NPAS3: variants seen among roughly 807,000 people sequenced by gnomAD.
The protein encoded by NPAS3 is neuronal PAS domain protein 3.
In NPAS3, 14 loss-of-function variants were observed where a neutral mutation model predicts 73.1. The observed-to-expected ratio is 0.19, with a 90% CI of 0.13 to 0.30. The LOEUF (loss-of-function observed/expected upper bound fraction) is 0.30. Among genes scored for constraint, NPAS3 ranks in the 10% least tolerant of loss-of-function variants. The probability of loss-of-function intolerance (pLI) is 1.00; values close to 1 mark genes in which losing one functional copy is unlikely to be tolerated. For synonymous variants in NPAS3, 620 were observed against 541.5 expected (o/e 1.14, Z -2.01); for missense variants, 1,096 against 1,250.0 (o/e 0.88, Z 1.86).
At chr14:33,728,156 G>A (rs755648794) in intron 6 of NPAS3, among the ~76,000 whole-genome samples, 9 of 152,138 alleles carry the variant, frequency 5.9e-5, no homozygotes, top group Non-Finnish European at 1.2e-4. Flanking sequence ...TCAGGGGACA[G>A]TCTCACCAAG....
chr14:33,446,500 G>A (rs2049513473), intron 4 of NPAS3, among the ~76,000 whole-genome samples: 2 of 152,158 alleles, frequency 1.3e-5, no homozygotes, highest in African/African-American at 4.8e-5. Context: ...ATAAGCAAGA[G>A]GATACATAGA....
chr14:33,654,693 A>G (rs1317779464), intron 5 of NPAS3, among the ~76,000 whole-genome samples: 2 of 152,214 alleles, frequency 1.3e-5, no homozygotes, highest in African/African-American at 4.8e-5. Flanking sequence ...TGACTAGCCA[A>G]CTGTTGGTGC....
intron 5 of NPAS3, among the ~76,000 whole-genome samples, chr14:33,576,903 C>G (rs753340801): frequency 6.6e-6 from 1 of 152,152 alleles, no homozygotes; most frequent in Admixed American, 6.5e-5. Context: ...TACATTGCCC[C>G]CTTTTGAGTC....
chr14:33,708,023 T>C (rs1400869385), intron 6 of NPAS3, among the ~76,000 whole-genome samples: 1 of 152,124 alleles, frequency 6.6e-6, no homozygotes, highest in African/African-American at 2.4e-5. Context: ...CACCAGGGGC[T>C]GATGGCCCTT....
intron 9 of NPAS3, among the ~76,000 whole-genome samples, chr14:33,793,286 G>A (rs1169440648): frequency 6.6e-6 from 1 of 152,106 alleles, no homozygotes; most frequent in African/African-American, 2.4e-5. Context: ...GACTCCACTG[G>A]GGAATTTATT....
intron 4 of NPAS3, among the ~76,000 whole-genome samples, chr14:33,450,087 A>C (rs2049720820): frequency 6.6e-6 from 1 of 152,218 alleles, no homozygotes; most frequent in African/African-American, 2.4e-5. Context: ...TCACCCATTA[A>C]AAGTATTACA....
chr14:32,979,940 T>C (rs2037832149), intron 1 of NPAS3, among the ~76,000 whole-genome samples: 1 of 152,180 alleles, frequency 6.6e-6, no homozygotes, highest in African/African-American at 2.4e-5. Context: ...AGTTTTAGGA[T>C]TATGTCAATT....
upstream of NPAS3, among the ~76,000 whole-genome samples, chr14:32,938,482 A>AGAAAGAGAGAGAGAGAGAGAGAG (rs2035781447): frequency 2.0e-4 from 3 of 15,056 alleles, no homozygotes; most frequent in Non-Finnish European, 4.7e-4. Flanking sequence ...AGAGAGAGAG[A>AGAAAGAGAGAGAGAGAGAGAGAG]AATTGAGAGA....
At chr14:33,147,730 A>AAATATAT (rs372663411) in intron 2 of NPAS3, among the ~76,000 whole-genome samples, 1 of 130,364 alleles carries the variant, frequency 7.7e-6, no homozygotes, top group South Asian at 2.4e-4. Flanking sequence ...TAGAATAAAA[A>AAATATAT]ATATATATAT....
chr14:33,077,398 C>G (rs1595389642), intron 2 of NPAS3, among the ~76,000 whole-genome samples: 1 of 152,130 alleles, frequency 6.6e-6, no homozygotes, highest in African/African-American at 2.4e-5. Context: ...AATGCTCTTT[C>G]CTGTTTCCTG....
chr14:33,145,948 G>A (rs564444210), intron 2 of NPAS3, among the ~76,000 whole-genome samples: 1 of 152,124 alleles, frequency 6.6e-6, no homozygotes, highest in Non-Finnish European at 1.5e-5. Context: ...AAGAATGAAA[G>A]AGTGTGCCTG....
intron 3 of NPAS3, among the ~76,000 whole-genome samples, chr14:33,256,311 A>C (rs1011445289): frequency 6.6e-6 from 1 of 152,244 alleles, no homozygotes; most frequent in African/African-American, 2.4e-5. Context: ...GCATTTAATC[A>C]TAGAAAAAGT....
intron 4 of NPAS3, among the ~76,000 whole-genome samples, chr14:33,406,478 G>C (rs1460585948): frequency 6.6e-6 from 1 of 152,114 alleles, no homozygotes; most frequent in Non-Finnish European, 1.5e-5. Context: ...GACTCTAAGA[G>C]ATGGCATGTG....
At chr14:33,072,734 G>A (rs2041528417) in intron 2 of NPAS3, among the ~76,000 whole-genome samples, 1 of 152,164 alleles carries the variant, frequency 6.6e-6, no homozygotes, top group Admixed American at 6.5e-5. Context: ...GGCTGCGTGG[G>A]AACCTGCCCA....
intron 2 of NPAS3, among the ~76,000 whole-genome samples, chr14:33,123,658 A>G (rs1385121384): frequency 6.6e-6 from 1 of 152,074 alleles, no homozygotes; most frequent in Non-Finnish European, 1.5e-5. Flanking sequence ...GCCCCAAGAA[A>G]AAGAAAAACC....
In NPAS3 at chr14:33,330,166, C is replaced by T. The variant is rs73256868; in HGVS notation, c.386-37020C>T. Among the ~76,000 whole-genome samples the T allele has an allele frequency of 1.9e-3, 285 of 152,136 alleles. 2 individuals are homozygous for T. Among genetic ancestry groups the T allele is most frequent in the African/African-American group, 6.5e-3 (269 of 41,494 alleles). On this transcript the variant is annotated intron_variant, in intron 3 of 11. Transcript: ENST00000356141. ...GCCAAGGAGGGAGAATCACCTGAAC[C>T]TGGGAGGCAGAAGCTGCAGTGAGCC... is the stretch of plus-strand genomic sequence containing the variant.
At chr14:33,147,732 T>TATATAG (rs1566610290) in intron 2 of NPAS3, among the ~76,000 whole-genome samples, 4 of 120,484 alleles carry the variant, frequency 3.3e-5, no homozygotes, top group African/African-American at 1.2e-4. Flanking sequence ...GAATAAAAAA[T>TATATAG]ATATATATAT....
intron 8 of NPAS3, 37 bp downstream of exon 8, chr14:33,774,567 T>A (rs1469846555): frequency 8.4e-6 from 13 of 1,540,230 alleles, no homozygotes; most frequent in Non-Finnish European, 1.2e-5. Flanking sequence ...CTGTTGCACG[T>A]TGCACATTGG....
chr14:33,782,724 G>A (rs1394809970), intron 9 of NPAS3, among the ~76,000 whole-genome samples: 7 of 151,926 alleles, frequency 4.6e-5, no homozygotes, highest in Admixed American at 1.3e-4. Context: ...AACTCTGGAA[G>A]AGTTATTTCA....
Sources: allele counts gnomAD v4.1 joint callset (sites outside exome capture counted in the v4.1 genomes callset), GRCh38; gene constraint gnomAD v4.1.1; transcripts MANE v1.5; gene names NCBI Gene and HGNC (gene_info 2026-07-23, HGNC 2026-07-21).